The following PTPRD variants were observed in gnomAD, a reference collection of about 807,000 sequenced individuals.
The protein encoded by PTPRD is receptor-type tyrosine-protein phosphatase delta.
In PTPRD, 34 loss-of-function variants were observed where a neutral mutation model predicts 214.5. The observed-to-expected ratio is 0.16, with a 90% confidence interval of 0.12 to 0.21. The LOEUF (loss-of-function observed/expected upper bound fraction) is 0.21. Ranked by LOEUF, PTPRD falls within the 10% of genes least tolerant of loss-of-function variation. The pLI is 1.00. For synonymous variants in PTPRD, 1,128 were observed against 845.7 expected (o/e 1.33, Z -5.79); for missense variants, 2,545 against 2,398.7 (o/e 1.06, Z -1.27).
At chr9:8,609,458 G>C (rs1481033653) in intron 14 of PTPRD, among the ~76,000 whole-genome samples, 2 of 152,118 alleles carry the variant, frequency 1.3e-5, no homozygotes, top group South Asian at 2.1e-4. Flanking sequence ...TATGATAGAA[G>C]TATCATGAAA....
At chr9:8,775,726 G>A (rs945850078) in intron 11 of PTPRD, among the ~76,000 whole-genome samples, 11 of 152,060 alleles carry the variant, frequency 7.2e-5, no homozygotes, top group Admixed American at 6.6e-4. Flanking sequence ...GCTCACACCT[G>A]TAATCCCAGC....
chr9:10,335,691 G>A (rs2096832754), intron 3 of PTPRD, among the ~76,000 whole-genome samples: 1 of 151,572 alleles, frequency 6.6e-6, no homozygotes, highest in Non-Finnish European at 1.5e-5. Context: ...TTGTAAAAGA[G>A]ATATCTGACA....
At chr9:10,366,602 A>G (rs2097522146) in intron 2 of PTPRD, among the ~76,000 whole-genome samples, 1 of 152,156 alleles carries the variant, frequency 6.6e-6, no homozygotes, top group African/African-American at 2.4e-5. Context: ...AAATTGTCAT[A>G]TTTGTTATTT....
chr9:9,910,829 C>T (rs1332341004), intron 5 of PTPRD, among the ~76,000 whole-genome samples: 1 of 151,930 alleles, frequency 6.6e-6, no homozygotes, highest in East Asian at 1.9e-4. Flanking sequence ...CTGAATAATA[C>T]TTGGAAAACT....
At chr9:10,202,681 T>G (rs1044028436) in intron 3 of PTPRD, among the ~76,000 whole-genome samples, 1 of 143,498 alleles carries the variant, frequency 7.0e-6, no homozygotes, top group African/African-American at 2.6e-5. Flanking sequence ...GATATATATA[T>G]ATATATATAT....
At chr9:9,664,349 C>A (rs919803216) in intron 7 of PTPRD, among the ~76,000 whole-genome samples, 1 of 151,484 alleles carries the variant, frequency 6.6e-6, no homozygotes, top group Non-Finnish European at 1.5e-5. Context: ...CAAAAAAGAT[C>A]AACTTCTAAT....
intron 11 of PTPRD, among the ~76,000 whole-genome samples, chr9:9,017,818 T>C (rs972391829): frequency 1.3e-5 from 2 of 152,152 alleles, no homozygotes; most frequent in African/African-American, 4.8e-5. Flanking sequence ...AATTGTCAAA[T>C]AAGTGAAAAA....
At chr9:9,477,196 C>T (rs1433918493) in intron 8 of PTPRD, among the ~76,000 whole-genome samples, 1 of 152,194 alleles carries the variant, frequency 6.6e-6, no homozygotes, top group African/African-American at 2.4e-5. Flanking sequence ...ATTTTTATCC[C>T]ATAAACCAAA....
At chr9:8,579,029 T>A (rs959020097) in intron 14 of PTPRD, among the ~76,000 whole-genome samples, 1 of 152,208 alleles carries the variant, frequency 6.6e-6, no homozygotes, top group Non-Finnish European at 1.5e-5. Context: ...TTTACCTCTG[T>A]ATATGCAACA....
intron 8 of PTPRD, among the ~76,000 whole-genome samples, chr9:9,403,290 C>CAAAAAAAAAAAAAAAAAAAAAAAAA (rs56105335): frequency 1.6e-5 from 1 of 60,660 alleles, no homozygotes; most frequent in African/African-American, 7.4e-5. Flanking sequence ...TACTCTGTCT[C>CAAAAAAAAAAAAAAAAAAAAAAAAA]AAAAAAAAAA....
chr9:9,842,118 A>G (rs1255835297), intron 5 of PTPRD, among the ~76,000 whole-genome samples: 1 of 151,952 alleles, frequency 6.6e-6, no homozygotes, highest in East Asian at 1.9e-4. Flanking sequence ...ACTCATCTAT[A>G]TTTTAAATCA....
intron 4 of PTPRD, among the ~76,000 whole-genome samples, chr9:9,967,812 G>C (rs1016117194): frequency 6.6e-6 from 1 of 152,092 alleles, no homozygotes; most frequent in Non-Finnish European, 1.5e-5. Context: ...AAAGAGAATT[G>C]TTAACTCAAA....
intron 14 of PTPRD, among the ~76,000 whole-genome samples, chr9:8,553,308 G>A (rs993187609): frequency 6.6e-6 from 1 of 152,140 alleles, no homozygotes; most frequent in East Asian, 1.9e-4. Flanking sequence ...CTCTACGGAA[G>A]CAGAAAATAG....
At chr9:9,778,488 C>G (rs1385926085) in intron 5 of PTPRD, among the ~76,000 whole-genome samples, 1 of 152,174 alleles carries the variant, frequency 6.6e-6, no homozygotes, top group Non-Finnish European at 1.5e-5. Flanking sequence ...CTCCCCGATT[C>G]CCGGAGGCAT....
At chr9:10,051,592 C>A (rs113565572) in intron 3 of PTPRD, among the ~76,000 whole-genome samples, 2,560 of 151,524 alleles carry the variant, frequency 0.017, 77 homozygotes, top group East Asian at 0.096. Flanking sequence ...TAATGCTATC[C>A]CTCCCCACTC....
intron 3 of PTPRD, among the ~76,000 whole-genome samples, chr9:10,082,801 TCTA>T (rs1466553958): frequency 2.1e-5 from 3 of 145,386 alleles, no homozygotes; most frequent in Non-Finnish European, 3.0e-5. Context: ...ACCCCTTTCT[TCTA>T]CTCCTCCTAC....
chr9:10,535,058 G>A (rs1321774529), intron 2 of PTPRD, among the ~76,000 whole-genome samples: 2 of 152,156 alleles, frequency 1.3e-5, no homozygotes, highest in African/African-American at 2.4e-5. Flanking sequence ...GCTGGGGGAT[G>A]GCAGGTACCA....
intron 3 of PTPRD, among the ~76,000 whole-genome samples, chr9:10,062,496 T>A (rs2097792561): frequency 6.6e-6 from 1 of 151,878 alleles, no homozygotes; most frequent in Admixed American, 6.6e-5. Context: ...ATCACAGCTA[T>A]TTGGTAGGCT....
intron 5 of PTPRD, among the ~76,000 whole-genome samples, chr9:9,850,331 A>T (rs905884657): frequency 6.6e-6 from 1 of 152,092 alleles, no homozygotes. Context: ...TATAGTAAAG[A>T]AGTGGAGTTA....
Sources: allele counts gnomAD v4.1 joint callset (sites outside exome capture counted in the v4.1 genomes callset), GRCh38; gene constraint gnomAD v4.1.1; transcripts MANE v1.5; gene names NCBI Gene and HGNC (gene_info 2026-07-23, HGNC 2026-07-21).